Variants in PCP4 observed in about 807,000 individuals in gnomAD.
PCP4 encodes the protein calmodulin regulator protein PCP4.
A neutral mutation model predicts 10.0 loss-of-function variants in PCP4; 8 were observed. The observed-to-expected ratio is 0.80, with a 90% CI of 0.47 to 1.45. The LOEUF (loss-of-function observed/expected upper bound fraction) is 1.45. Ranked by LOEUF, PCP4 falls within the 40% of genes most tolerant of loss-of-function variation. PCP4 has a pLI of 0.00. For missense variants in PCP4, 54 were observed against 74.4 expected, an observed-to-expected ratio of 0.73 and a Z score of 1.01; for synonymous variants, 21 against 23.0, an observed-to-expected ratio of 0.91 and a Z score of 0.24.
intron 1 of PCP4, among the ~76,000 whole-genome samples, chr21:39,884,837 A>G (rs941082824): frequency 6.6e-6 from 1 of 151,690 alleles, no homozygotes; most frequent in African/African-American, 2.4e-5. Context: ...AGATTATTCT[A>G]TCACCTGAAA....
intron 2 of PCP4, among the ~76,000 whole-genome samples, chr21:39,912,952 C>T (rs114226593): frequency 0.016 from 2,498 of 152,210 alleles, 66 homozygotes; most frequent in African/African-American, 0.053. Flanking sequence ...GGGATCCTCT[C>T]GCCTAGGCCT....
Position 39,906,974 on chromosome 21 carries a change from T to C in PCP4, c.61+8447T>C, listed in dbSNP as rs2087514347. ...CTCTTTTAAGTAGGTGAAACACTCA[T>C]AATCTTATTTATAGAATTAATGTGC... On this transcript the variant is annotated intron_variant, in intron 2 of 2. Transcript: ENST00000328619. The surrounding 1 kb of genome is among the most constrained non-coding windows in gnomAD (Gnocchi z 6.3). Among the ~76,000 whole-genome samples the C allele has an allele frequency of 1.3e-5, 2 of 152,192 alleles. No homozygotes were observed. Among genetic ancestry groups the C allele is most frequent in the Non-Finnish European group, 2.9e-5 (2 of 68,032 alleles).
chr21:39,908,790 G>A (rs73904603), intron 2 of PCP4, among the ~76,000 whole-genome samples: 2,179 of 152,254 alleles, frequency 0.014, 45 homozygotes, highest in African/African-American at 0.049. Context: ...AGGCAGGACT[G>A]AGGTCTCAGA....
intron 1 of PCP4, among the ~76,000 whole-genome samples, chr21:39,876,556 A>T (rs1238152400): frequency 6.6e-6 from 1 of 152,214 alleles, no homozygotes; most frequent in Non-Finnish European, 1.5e-5. Flanking sequence ...AAGGTATCAC[A>T]TGATGATATT....
chr21:39,889,397 T>C lies in PCP4; in HGVS notation c.10-9079T>C, dbSNP rs73354109. Among the ~76,000 whole-genome samples the C allele has an allele frequency of 5.5e-3, 801 of 145,702 alleles. 13 individuals carry two copies. Among genetic ancestry groups the C allele is most frequent in the African/African-American group, 0.019 (741 of 39,458 alleles). On this transcript the variant is annotated intron_variant, in intron 1 of 2. Transcript: ENST00000328619. ...TCCAACCATATCTCACCAAATTAAA[T>C]ATCAAACCAAGTTCTTTTTTTTTTT...
At chr21:39,897,385 CA>C (rs34312418) in intron 1 of PCP4, among the ~76,000 whole-genome samples, 17,005 of 87,590 alleles carry the variant, frequency 0.19, 916 homozygotes, top group Middle Eastern at 0.29. Context: ...GACTCTGTCT[CA>C]AAAAAAAAAA....
chr21:39,868,816 T>C (rs894992220), intron 1 of PCP4, among the ~76,000 whole-genome samples: 1 of 152,110 alleles, frequency 6.6e-6, no homozygotes, highest in African/African-American at 2.4e-5. Context: ...TGCTGGGTGG[T>C]TGACTGCCGG....
At chr21:39,926,567 T>C (rs2087622278) in intron 2 of PCP4, among the ~76,000 whole-genome samples, 1 of 152,162 alleles carries the variant, frequency 6.6e-6, no homozygotes, top group South Asian at 2.1e-4. Context: ...AGTAGAAGGA[T>C]TTGGGACTAT....
At chr21:39,876,302 A>G (rs920406159) in intron 1 of PCP4, among the ~76,000 whole-genome samples, 1 of 152,002 alleles carries the variant, frequency 6.6e-6, no homozygotes, top group Non-Finnish European at 1.5e-5. Flanking sequence ...TGGCAAACCC[A>G]TTCTATTTCT....
At chr21:39,888,607 A>T (rs2087413151) in intron 1 of PCP4, among the ~76,000 whole-genome samples, 2 of 152,162 alleles carry the variant, frequency 1.3e-5, no homozygotes, top group Non-Finnish European at 2.9e-5. Context: ...CAGCGGTGTG[A>T]GTTAGGGGAC....
chr21:39,867,470 C>A lies in PCP4; in HGVS notation c.-32C>A. On this transcript the variant is annotated 5_prime_UTR_variant, in exon 1 of 3. Coordinates refer to ENST00000328619, the MANE Select transcript of PCP4 (RefSeq NM_006198.3). ...CCTGAGCAGTGTTCTCTGTGCTGAG[C>A]GGCGGGACTGAGCTGTTGAGTTAGA... is the stretch of plus-strand genomic sequence containing the variant. 6.2e-7 allele frequency: 1 copy of A among 1,613,562 alleles called. No homozygotes were observed. Among genetic ancestry groups the A allele is most frequent in the Non-Finnish European group, 8.5e-7 (1 of 1,179,510 alleles).
At chr21:39,895,954 A>G (rs1470212881) in intron 1 of PCP4, among the ~76,000 whole-genome samples, 4 of 152,252 alleles carry the variant, frequency 2.6e-5, no homozygotes, top group Middle Eastern at 3.2e-3. Flanking sequence ...ACTTTCAATA[A>G]CGAGTTCTTT....
chr21:39,885,969 GC>G (rs963797626), intron 1 of PCP4, among the ~76,000 whole-genome samples: 1 of 152,172 alleles, frequency 6.6e-6, no homozygotes, highest in African/African-American at 2.4e-5. Flanking sequence ...TCTGCTCCAG[GC>G]CCCTCTTCCG....
intron 2 of PCP4, among the ~76,000 whole-genome samples, chr21:39,919,433 T>G (rs2299789): frequency 0.016 from 2,510 of 152,344 alleles, 37 homozygotes; most frequent in Middle Eastern, 0.041. Flanking sequence ...TATAGCTTGC[T>G]AAAATTTAGG....
intron 1 of PCP4, among the ~76,000 whole-genome samples, chr21:39,878,538 G>A (rs2087356991): frequency 6.6e-6 from 1 of 152,178 alleles, no homozygotes; most frequent in Non-Finnish European, 1.5e-5. Context: ...CTAGGGACTT[G>A]TTGCATCTTT....
chr21:39,907,263 C>T (rs953310727), intron 2 of PCP4, among the ~76,000 whole-genome samples: 2 of 152,054 alleles, frequency 1.3e-5, no homozygotes, highest in Non-Finnish European at 2.9e-5. Context: ...CAGCCCTGGG[C>T]GTGTCTCCAG....
intron 1 of PCP4, among the ~76,000 whole-genome samples, chr21:39,888,696 G>T (rs967248782): frequency 7.2e-5 from 11 of 152,170 alleles, no homozygotes; most frequent in Admixed American, 2.0e-4. Context: ...TTTATTCTCT[G>T]CCCGGCCCTC....
intron 1 of PCP4, among the ~76,000 whole-genome samples, chr21:39,870,134 G>T (rs2146322733): frequency 6.6e-6 from 1 of 152,376 alleles, no homozygotes; most frequent in Non-Finnish European, 1.5e-5. Flanking sequence ...AAGGTGGAGT[G>T]GCAAAGGGAG....
Position 39,898,520 on chromosome 21 carries a change from T to G in PCP4, c.54T>G (p.Gly18=). ...CCAATGGAAAAGACAAGACATCTGG[T>G]GAAAATGGTAAGAGGACATGAATAG... ...GATNGKDKTS[G]ENDGQKKVQE... is the part of the protein sequence containing the mutation. The change falls in exon 2 of 3, where the codon GGT becomes GGG. Residue 18 remains glycine, a synonymous_variant. Transcript: ENST00000328619. 6.2e-7 allele frequency: 1 copy of G among 1,613,760 alleles called. No individual in the cohort carries two copies. The highest frequency in any genetic ancestry group is 8.5e-7 in the Non-Finnish European group (1 of 1,179,642).
Sources: gnomAD v4.1 joint callset for allele counts (sites outside exome capture counted in the v4.1 genomes callset) on GRCh38, gnomAD v4.1.1 for gene constraint, Gnocchi (gnomAD v3.1) non-coding constraint, MANE v1.5 for transcripts, NCBI Gene and HGNC (gene_info 2026-07-23, HGNC 2026-07-21) for gene names.